Variants in OR5B17 observed in about 807,000 individuals in gnomAD.
The protein encoded by OR5B17 is olfactory receptor family 5 subfamily B member 17, also known as olfactory receptor 5B17.
For missense variants in OR5B17, 444 were observed against 378.7 expected (o/e 1.17, Z -1.43); for synonymous variants, 150 against 135.8 (o/e 1.10, Z -0.73).
Position 58,358,519 on chromosome 11 carries a change from G to A in OR5B17, c.551C>T (p.Thr184Ile), listed in dbSNP as rs1854525423. Residue 184 changes from threonine (T) to isoleucine (I), a missense_variant, in exon 1 of 1, where the codon ACT becomes ATT. Thr to Ile is a moderately conservative substitution (Grantham distance 89). Coordinates refer to ENST00000357377, the MANE Select transcript of OR5B17 (RefSeq NM_001005489.2). Reference sequence around the variant, plus strand: ...AATGTGTTTCTCAGAGCAGGTCAGAGTAATGACTGCTGGTTTGTCACAGAA... The same window carrying A: ...AATGTGTTTCTCAGAGCAGGTCAGAATAATGACTGCTGGTTTGTCACAGAA... ...HFFCDKPAVI[T>I]LTCSEKHISE... The A allele has an allele frequency of 3.1e-6, 5 of 1,614,088 alleles. No homozygotes were observed. The highest frequency in any genetic ancestry group is 2.2e-5 in the East Asian group (1 of 44,864).
Position 58,358,433 on chromosome 11 carries a change from A to C in OR5B17, c.637T>G (p.Leu213Val). The C allele has an allele frequency of 6.2e-7, 1 of 1,614,062 alleles. No homozygotes were observed. The highest frequency in any genetic ancestry group is 8.5e-7 in the Non-Finnish European group (1 of 1,179,996). Residue 213 changes from leucine to valine, a missense_variant, in exon 1 of 1, where the codon TTG becomes GTG. Transcript: ENST00000357377. ...FNVFFALLVTLISYLFILITI... is the reference protein window; with the variant it reads ...FNVFFALLVTVISYLFILITI... Reference sequence around the variant, plus strand: ...ATCAATATGAACAGATAGGAAATCAAGGTAACAAGAAGTGCAAAAAAGACA... The same window carrying C: ...ATCAATATGAACAGATAGGAAATCACGGTAACAAGAAGTGCAAAAAAGACA...
chr11:58,359,007 T>A lies in OR5B17; in HGVS notation c.63A>T (p.Leu21=), dbSNP rs1854539973. 6.2e-7 allele frequency: 1 copy of A among 1,611,194 alleles called. No individual in the cohort carries two copies. The highest frequency in any genetic ancestry group is 8.5e-7 in the Non-Finnish European group (1 of 1,179,850). ...ILLGLTNAPE[L]QVPLFIMFTL... The stretch of plus-strand genomic sequence containing the variant: ...TAAACATGATAAAGAGGGGAACCTG[T>A]AGTTCTGGGGCATTGGTTAGACCAA... Residue 21 remains leucine, a synonymous_variant, in exon 1 of 1, where the codon CTA becomes CTT. Transcript: ENST00000357377.
In OR5B17 at chr11:58,358,500, T is replaced by C. The variant is rs1343262499; in HGVS notation, c.570A>G (p.Lys190=). ...GAACAAGAATCAACTCACTAATGTG[T>C]TTCTCAGAGCAGGTCAGAGTAATGA... ...PAVITLTCSE[K]HISELILVLI... is the part of the protein sequence containing the mutation. Residue 190 remains lysine, a synonymous_variant, in exon 1 of 1, where the codon AAA becomes AAG. Coordinates refer to ENST00000357377, the MANE Select transcript of OR5B17 (RefSeq NM_001005489.2). The C allele has an allele frequency of 4.3e-6, 7 of 1,613,880 alleles. No homozygotes were observed. The Admixed American group carries it at 8.3e-5, about 19-fold the overall frequency.
At position 58,358,444 on chromosome 11, in the gene OR5B17, A is replaced by G; in HGVS notation, c.626T>C (p.Leu209Pro). The G allele has an allele frequency of 6.2e-7, 1 of 1,614,026 alleles. No homozygotes were observed. The highest frequency in any genetic ancestry group is 8.5e-7 in the Non-Finnish European group (1 of 1,180,000). The change falls in exon 1 of 1, where the codon CTT (leucine) becomes CCT (proline). Residue 209 changes from leucine (L) to proline (P), a missense_variant. Leu to Pro is a moderately conservative substitution (Grantham distance 98). Coordinates refer to ENST00000357377, the MANE Select transcript of OR5B17 (RefSeq NM_001005489.2). ...LISSFNVFFA[L>P]LVTLISYLFI... ...CAGATAGGAAATCAAGGTAACAAGA[A>G]GTGCAAAAAAGACATTAAAACTTGA...
Position 58,358,754 on chromosome 11 carries a change from C to G in OR5B17, c.316G>C (p.Ala106Pro). 6.2e-7 allele frequency: 1 copy of G among 1,614,076 alleles called. No individual in the cohort carries two copies. Among genetic ancestry groups the G allele is most frequent in the Non-Finnish European group, 8.5e-7 (1 of 1,180,018 alleles). The change falls in exon 1 of 1, where the codon GCC (alanine) becomes CCC (proline). Residue 106 changes from alanine to proline, a missense_variant. Ala to Pro is a conservative substitution (Grantham distance 27, BLOSUM62 -1). Transcript: ENST00000357377. Reference sequence around the variant, plus strand: ...GACAAGAGGTAATTTTCCACAGTGGCAAAGACTGCACAAAAGAACATCTGA... The same window carrying G: ...GACAAGAGGTAATTTTCCACAGTGGGAAAGACTGCACAAAAGAACATCTGA... ...AAQMFFCAVF[A>P]TVENYLLSSM... is the part of the protein sequence containing the mutation.
In OR5B17 at chr11:58,358,711, C is replaced by A. The variant is rs148767003; in HGVS notation, c.359G>T (p.Arg120Leu). Residue 120 changes from arginine to leucine, a missense_variant, in exon 1 of 1, where the codon CGC becomes CTC. Physicochemically the swap from Arg to Leu is moderately radical, Grantham distance 102. Coordinates refer to ENST00000357377, the MANE Select transcript of OR5B17 (RefSeq NM_001005489.2). ...TAGGGGGTTACACACTGCTGCGTAGCGGTCATAGGCCATTGAGGACAAGAG... is the reference window on the plus strand; with the variant it reads ...TAGGGGGTTACACACTGCTGCGTAGAGGTCATAGGCCATTGAGGACAAGAG... ...NYLLSSMAYD[R>L]YAAVCNPLHY... 2 of 1,613,930 alleles carry A rather than the reference C, an allele frequency of 1.2e-6. No individual in the cohort carries two copies. The highest frequency in any genetic ancestry group is 2.7e-5 in the African/African-American group (2 of 74,912).
Position 58,358,857 on chromosome 11 carries a change from G to A in OR5B17, c.213C>T (p.Tyr71=). The A allele has an allele frequency of 6.2e-7, 1 of 1,614,108 alleles. No individual in the cohort carries two copies. Among genetic ancestry groups the A allele is most frequent in the South Asian group, 1.1e-5 (1 of 91,084 alleles). The part of the protein sequence containing the change: ...LSNLSLAGIG[Y]SSAVTPKVLT... ...AAACCTTTGGAGTGACAGCTGAGGA[G>A]TAACCAATGCCTGCAAGAGACAGGT... Residue 71 remains tyrosine (Y), a synonymous_variant, in exon 1 of 1, where the codon TAC becomes TAT. Coordinates refer to ENST00000357377, the MANE Select transcript of OR5B17 (RefSeq NM_001005489.2).
Position 58,358,951 on chromosome 11 carries a change from T to C in OR5B17, c.119A>G (p.Asn40Ser), listed in dbSNP as rs758557175. ...CAGGATTAATATGATCATCCCCAGG[T>C]TCCCAGTCAGAGTGATGAGGTAGAT... ...TLIYLITLTG[N>S]LGMIILILLD... The change falls in exon 1 of 1, where the codon AAC (asparagine) becomes AGC (serine). Residue 40 changes from asparagine (N) to serine (S), a missense_variant. Coordinates refer to ENST00000357377, the MANE Select transcript of OR5B17 (RefSeq NM_001005489.2). 1 of 1,613,798 alleles carries C rather than the reference T, an allele frequency of 6.2e-7. No homozygotes were observed. The highest frequency in any genetic ancestry group is 1.3e-5 in the African/African-American group (1 of 74,898).
rs1267975944 is a variant in OR5B17 at position 58,358,305 on chromosome 11, G to C, written c.765C>G (p.Ile255Met). ...AIFLFYITVI[I>M]MYIRPSSSHS... The stretch of plus-strand genomic sequence containing the variant: ...GACTGGAACTTGGTCGTATGTACAT[G>C]ATGATGACAGTTATATAAAATAAGA... The change falls in exon 1 of 1, where the codon ATC (isoleucine) becomes ATG (methionine). Residue 255 changes from isoleucine to methionine, a missense_variant. Coordinates refer to ENST00000357377, the MANE Select transcript of OR5B17 (RefSeq NM_001005489.2). 2 of 1,613,834 alleles carry C rather than the reference G, an allele frequency of 1.2e-6. No homozygotes were observed. Among genetic ancestry groups the C allele is most frequent in the East Asian group, 2.2e-5 (1 of 44,878 alleles).
Position 58,358,179 on chromosome 11 carries a change from A to C in OR5B17, c.891T>G (p.Asn297Lys), listed in dbSNP as rs377424824. Residue 297 changes from asparagine to lysine, a missense_variant, in exon 1 of 1, where the codon AAT becomes AAG. By Grantham distance (94) the Asn-to-Lys change is moderately conservative. Coordinates refer to ENST00000357377, the MANE Select transcript of OR5B17 (RefSeq NM_001005489.2). ...CCTTCTCAACAACCTTCATGAATGC[A>C]TTCTTCACGTCTTTGTTCCTCAGGG... is the stretch of plus-strand genomic sequence containing the variant. The part of the protein sequence containing the change: ...VYTLRNKDVK[N>K]AFMKVVEKAK... 2.5e-5 allele frequency: 40 copies of C among 1,608,634 alleles called. No individual in the cohort carries two copies. Among genetic ancestry groups the C allele is most frequent in the Non-Finnish European group, 3.2e-5 (38 of 1,177,450 alleles).
chr11:58,358,240 G>A lies in OR5B17; in HGVS notation c.830C>T (p.Thr277Ile), dbSNP rs763365250. 4 of 1,613,390 alleles carry A rather than the reference G, an allele frequency of 2.5e-6. No individual in the cohort carries two copies. The highest frequency in any genetic ancestry group is 3.4e-6 in the Non-Finnish European group (4 of 1,179,484). ...AGGACTGAGCATGGGGATGATCATAGTGTAGAACACAGATGCAATTTTGTC... is the reference window on the plus strand; with the variant it reads ...AGGACTGAGCATGGGGATGATCATAATGTAGAACACAGATGCAATTTTGTC... ...DTDKIASVFYTMIIPMLSPIV... is the reference protein window; with the variant it reads ...DTDKIASVFYIMIIPMLSPIV... Residue 277 changes from threonine to isoleucine, a missense_variant, in exon 1 of 1, where the codon ACT (threonine) becomes ATT (isoleucine). Coordinates refer to ENST00000357377, the MANE Select transcript of OR5B17 (RefSeq NM_001005489.2).
rs748665180 is a variant in OR5B17 at position 58,358,204 on chromosome 11, G to T, written c.866C>A (p.Thr289Asn). 1.9e-6 allele frequency: 3 copies of T among 1,613,464 alleles called. No homozygotes were observed. Among genetic ancestry groups the T allele is most frequent in the Admixed American group, 1.7e-5 (1 of 60,004 alleles). The part of the protein sequence containing the change: ...IIPMLSPIVY[T>N]LRNKDVKNAF... Reference sequence around the variant, plus strand: ...ATTCTTCACGTCTTTGTTCCTCAGGGTATAGACTATAGGACTGAGCATGGG... The same window carrying T: ...ATTCTTCACGTCTTTGTTCCTCAGGTTATAGACTATAGGACTGAGCATGGG... The change falls in exon 1 of 1, where the codon ACC becomes AAC. Residue 289 changes from threonine (T) to asparagine (N), a missense_variant. Physicochemically the swap from Thr to Asn is moderately conservative, Grantham distance 65. Coordinates refer to ENST00000357377, the MANE Select transcript of OR5B17 (RefSeq NM_001005489.2).
rs761663174 is a variant in OR5B17, at chr11:58,358,335, G to A, written c.735C>T (p.Ala245=). The A allele has an allele frequency of 7.4e-6, 12 of 1,613,788 alleles. No homozygotes were observed. The East Asian group carries it at 1.1e-4, about 15-fold the overall frequency. ...PLSTCGSHLI[A]IFLFYITVII... ...TGACAGTTATATAAAATAAGAAAATGGCAATGAGGTGAGAACCACAGGTAG... is the reference window on the plus strand; with the variant it reads ...TGACAGTTATATAAAATAAGAAAATAGCAATGAGGTGAGAACCACAGGTAG... Residue 245 remains alanine (A), a synonymous_variant, in exon 1 of 1, where the codon GCC becomes GCT. Transcript: ENST00000357377.
chr11:58,358,886 T>C lies in OR5B17; in HGVS notation c.184A>G (p.Ser62Gly), dbSNP rs147025063. 6.2e-6 allele frequency: 10 copies of C among 1,614,084 alleles called. No homozygotes were observed. The South Asian group carries it at 8.8e-5, about 14-fold the overall frequency. ...CCAATGCCTGCAAGAGACAGGTTAC[T>C]GAGAAAAAAGTACATGGGAGTGTGG... is the stretch of plus-strand genomic sequence containing the variant. ...HLHTPMYFFL[S>G]NLSLAGIGYS... is the part of the protein sequence containing the mutation. The change falls in exon 1 of 1, where the codon AGT becomes GGT. Residue 62 changes from serine (S) to glycine (G), a missense_variant. By Grantham distance (56) the Ser-to-Gly change is moderately conservative. Coordinates refer to ENST00000357377, the MANE Select transcript of OR5B17 (RefSeq NM_001005489.2).
At position 58,358,628 on chromosome 11, in the gene OR5B17, C is replaced by T. The variant is rs1590690896; in HGVS notation, c.442G>A (p.Val148Ile). ...VCACLAIGCY[V>I]IGFLNASIQI... ...ATAGAAGCATTCAGAAAACCAATGA[C>T]ATAACAGCCTATAGCCAGACAAGCA... Residue 148 changes from valine to isoleucine, a missense_variant, in exon 1 of 1, where the codon GTC (valine) becomes ATC (isoleucine). Val to Ile is a conservative substitution (Grantham distance 29, BLOSUM62 3). Transcript: ENST00000357377. 1 of 1,613,956 alleles carries T rather than the reference C, an allele frequency of 6.2e-7. No homozygotes were observed. Among genetic ancestry groups the T allele is most frequent in the East Asian group, 2.2e-5 (1 of 44,876 alleles).
rs567520272 is a variant in OR5B17, at chr11:58,358,979, G to A, written c.91C>T (p.Leu31Phe). ...LQVPLFIMFT[L>F]IYLITLTGNL... The stretch of plus-strand genomic sequence containing the variant: ...CCAGTCAGAGTGATGAGGTAGATGA[G>A]GGTAAACATGATAAAGAGGGGAACC... The change falls in exon 1 of 1, where the codon CTC becomes TTC. Residue 31 changes from leucine to phenylalanine, a missense_variant. Transcript: ENST00000357377. 6.6e-5 allele frequency: 107 copies of A among 1,613,356 alleles called. No homozygotes were observed. In the South Asian group the frequency reaches 1.0e-3, roughly 16 times the overall value.
rs774118310 is a variant in OR5B17 at position 58,358,627 on chromosome 11, A to G, written c.443T>C (p.Val148Ala). The G allele has an allele frequency of 6.2e-7, 1 of 1,614,150 alleles. No individual in the cohort carries two copies. The highest frequency in any genetic ancestry group is 8.5e-7 in the Non-Finnish European group (1 of 1,180,032). The change falls in exon 1 of 1, where the codon GTC becomes GCC. Residue 148 changes from valine to alanine, a missense_variant. Transcript: ENST00000357377. ...GATAGAAGCATTCAGAAAACCAATG[A>G]CATAACAGCCTATAGCCAGACAAGC... Reference protein sequence around the residue: ...VCACLAIGCYVIGFLNASIQI... With the variant: ...VCACLAIGCYAIGFLNASIQI...
chr11:58,358,915 T>G lies in OR5B17; in HGVS notation c.155A>C (p.His52Pro). ...GMIILILLDSHLHTPMYFFLS... is the reference protein window; with the variant it reads ...GMIILILLDSPLHTPMYFFLS... ...AAAAAAGTACATGGGAGTGTGGAGA[T>G]GAGAGTCCAGCAGGATTAATATGAT... is the stretch of plus-strand genomic sequence containing the variant. Residue 52 changes from histidine (H) to proline (P), a missense_variant, in exon 1 of 1, where the codon CAT becomes CCT. By Grantham distance (77) the His-to-Pro change is moderately conservative. Coordinates refer to ENST00000357377, the MANE Select transcript of OR5B17 (RefSeq NM_001005489.2). 1 of 1,613,914 alleles carries G rather than the reference T, an allele frequency of 6.2e-7. No individual in the cohort carries two copies. The highest frequency in any genetic ancestry group is 8.5e-7 in the Non-Finnish European group (1 of 1,179,972).
chr11:58,358,794 G>A lies in OR5B17; in HGVS notation c.276C>T (p.Tyr92=). ...AGAACATCTGAGCAGCACAGGCACT[G>A]TAGGAGATGGCTTTGTCTTCTATAA... ...GLLIEDKAIS[Y]SACAAQMFFC... is the part of the protein sequence containing the mutation. Residue 92 remains tyrosine, a synonymous_variant, in exon 1 of 1, where the codon TAC becomes TAT. Coordinates refer to ENST00000357377, the MANE Select transcript of OR5B17 (RefSeq NM_001005489.2). 1 of 1,614,136 alleles carries A rather than the reference G, an allele frequency of 6.2e-7. No homozygotes were observed. Among genetic ancestry groups the A allele is most frequent in the Non-Finnish European group, 8.5e-7 (1 of 1,180,024 alleles).
Sources: allele counts gnomAD v4.1 joint callset, GRCh38; gene constraint gnomAD v4.1.1; transcripts MANE v1.5; gene names NCBI Gene and HGNC (gene_info 2026-07-23, HGNC 2026-07-21).